Variants in LRBA observed in about 807,000 individuals in gnomAD.
The protein encoded by LRBA is LPS responsive beige-like anchor protein, also known as lipopolysaccharide-responsive and beige-like anchor protein.
LRBA carries 176 observed loss-of-function variants against 330.0 expected under a neutral mutation model. That is an observed-to-expected ratio of 0.53 (90% CI 0.47 to 0.60). LRBA has a LOEUF of 0.60. LRBA is among the 20% of genes least tolerant of loss of function. The pLI is 0.00. For missense variants in LRBA, 3,259 were observed against 3,444.8 expected (o/e 0.95, Z 1.35); for synonymous variants, 1,230 against 1,193.0 (o/e 1.03, Z -0.64).
intron 2 of LRBA, among the ~76,000 whole-genome samples, chr4:150,931,936 T>A (rs530983425): frequency 6.6e-6 from 1 of 152,012 alleles, no homozygotes; most frequent in African/African-American, 2.4e-5. Context: ...GGGTTAGGCG[T>A]GGTGGCTCAT....
intron 2 of LRBA, among the ~76,000 whole-genome samples, chr4:150,987,624 T>G (rs1741604947): frequency 6.6e-6 from 1 of 151,934 alleles, no homozygotes; most frequent in East Asian, 1.9e-4. Flanking sequence ...GAGAATCGCT[T>G]GAACCTGGGA....
intron 15 of LRBA, 102 bp downstream of exon 15, chr4:150,897,637 C>A: frequency 1.2e-6 from 1 of 807,858 alleles, no homozygotes; most frequent in Non-Finnish European, 2.0e-6. Flanking sequence ...CAATGTGTAA[C>A]CACAGTAACC....
intron 32 of LRBA, among the ~76,000 whole-genome samples, chr4:150,807,098 T>C (rs1425468946): frequency 6.6e-6 from 1 of 151,354 alleles, no homozygotes; most frequent in African/African-American, 2.4e-5. Flanking sequence ...ATACATTTAA[T>C]GAGGGTTTTT....
intron 47 of LRBA, among the ~76,000 whole-genome samples, chr4:150,354,160 T>C (rs137856195): frequency 2.5e-4 from 38 of 152,296 alleles, no homozygotes; most frequent in African/African-American, 8.9e-4. Flanking sequence ...GGTTGCCTTT[T>C]ATAACTCCCA....
chr4:150,377,938 T>G (rs964262815), intron 47 of LRBA, among the ~76,000 whole-genome samples: 3 of 141,540 alleles, frequency 2.1e-5, no homozygotes, highest in African/African-American at 7.9e-5. Context: ...GCCACTGCAC[T>G]CCAGCCTGGG....
intron 38 of LRBA, among the ~76,000 whole-genome samples, chr4:150,594,327 A>G (rs964329935): frequency 2.6e-5 from 4 of 152,066 alleles, no homozygotes; most frequent in African/African-American, 9.7e-5. Context: ...AAAAAATTAG[A>G]ACAAAACTTT....
In LRBA at chr4:150,382,622, C is replaced by CAAAA. The variant is rs112630500; in HGVS notation, c.7195-32467_7195-32464dup. 3.0e-3 allele frequency among the ~76,000 whole-genome samples: 336 copies of CAAAA among 111,498 alleles called. 1 individual carries two copies. The highest frequency in any genetic ancestry group is 5.4e-3 in the Middle Eastern group (1 of 186). The allele number at this position is 111,498 out of a possible 152,430, so 73.1% of individuals were successfully genotyped here. A position where few individuals can be genotyped will look rare whatever the true frequency, so the allele number is the denominator to read the frequency against. Reference sequence around the variant, plus strand: ...TGGGTGACAGAGTGAGACTCTGTTTCAAAAAAAAAAAAAAAGAAGACCAGG... The same window carrying CAAAA: ...TGGGTGACAGAGTGAGACTCTGTTTCAAAAAAAAAAAAAAAAAAAGAAGACCAGG... On this transcript the variant is annotated intron_variant, in intron 47 of 56. Transcript: ENST00000651943.
chr4:150,492,784 C>T (rs1910723), intron 40 of LRBA, among the ~76,000 whole-genome samples: 152,101 of 152,214 alleles, frequency 1, 75,994 homozygotes, highest in Non-Finnish European at 1. Context: ...CTTTGTTTTG[C>T]CCTTGTTTTC....
intron 41 of LRBA, among the ~76,000 whole-genome samples, chr4:150,488,678 A>C (rs976493566): frequency 6.6e-6 from 1 of 151,128 alleles, no homozygotes; most frequent in African/African-American, 2.4e-5. Context: ...CTTCAATGTC[A>C]GAATCATATG....
intron 40 of LRBA, among the ~76,000 whole-genome samples, chr4:150,568,501 C>A (rs992601946): frequency 5.3e-5 from 8 of 152,070 alleles, no homozygotes; most frequent in Non-Finnish European, 1.0e-4. Context: ...GTCTAGCAGG[C>A]AGCACGTAAG....
chr4:150,769,954 T>A (rs953876063), intron 34 of LRBA, among the ~76,000 whole-genome samples: 2 of 152,238 alleles, frequency 1.3e-5, no homozygotes, highest in Non-Finnish European at 2.9e-5. Context: ...TTGACAGGAC[T>A]AACAAATGCC....
At chr4:150,600,708 AT>A (rs1344512588) in intron 37 of LRBA, among the ~76,000 whole-genome samples, 2 of 152,188 alleles carry the variant, frequency 1.3e-5, no homozygotes. Context: ...CTAAATTTGA[AT>A]AAAAACATGA....
intron 50 of LRBA, among the ~76,000 whole-genome samples, chr4:150,317,428 T>C (rs183691896): frequency 2.6e-5 from 4 of 152,262 alleles, no homozygotes; most frequent in Non-Finnish European, 5.9e-5. Context: ...AGTACAGTAT[T>C]GGCACTAGAA....
intron 47 of LRBA, among the ~76,000 whole-genome samples, chr4:150,384,264 C>T (rs1742735084): frequency 6.6e-6 from 1 of 151,962 alleles, no homozygotes; most frequent in African/African-American, 2.4e-5. Context: ...TCTTGAACTC[C>T]CGACCTCAGG....
intron 42 of LRBA, among the ~76,000 whole-genome samples, chr4:150,484,060 T>C (rs1757598351): frequency 6.6e-6 from 1 of 152,012 alleles, no homozygotes; most frequent in Admixed American, 6.6e-5. Flanking sequence ...CCTGGGACTT[T>C]CCACATAAAC....
In LRBA at chr4:150,852,803, T is replaced by G. The variant is rs1750768723; in HGVS notation, c.2907A>C (p.Val969=). 1 of 1,614,066 alleles carries G rather than the reference T, an allele frequency of 6.2e-7. No homozygotes were observed. Among genetic ancestry groups the G allele is most frequent in the Non-Finnish European group, 8.5e-7 (1 of 1,179,950 alleles). ...CCTTCGTATCTGGTTGCTGGGATCC[T>G]ACTGAAACATTAATATCCCTTCTAA... ...SGIRRDINVS[V]GSQQPDTKDS... is the part of the protein sequence containing the mutation. Residue 969 remains valine (V), a synonymous_variant, in exon 23 of 57, where the codon GTA becomes GTC. Transcript: ENST00000651943.
chr4:150,934,780 G>A (rs373334488), intron 2 of LRBA, among the ~76,000 whole-genome samples: 122 of 152,086 alleles, frequency 8.0e-4, no homozygotes, highest in Middle Eastern at 3.4e-3. Flanking sequence ...AGGCCGAGGC[G>A]GGCAAATTAC....
In LRBA at chr4:150,987,916, C is replaced by T. The variant is rs530447878; in HGVS notation, c.216+26511G>A. On this transcript the variant is annotated intron_variant, in intron 2 of 56. Coordinates refer to ENST00000651943, the MANE Select transcript of LRBA (RefSeq NM_001364905.1). ...ACCCAGGAGGCTGAGGCAGGAGAAT[C>T]GCTTGAACCCAGGAGGCAGAGGTTG... Among the ~76,000 whole-genome samples the T allele has an allele frequency of 1.6e-3, 241 of 151,292 alleles. 1 individual carries two copies. The highest frequency in any genetic ancestry group is 2.8e-3 in the Non-Finnish European group (189 of 67,866).
chr4:150,580,208 C>G (rs984029974), intron 40 of LRBA: 3 of 153,466 alleles, frequency 2.0e-5, no homozygotes, highest in Admixed American at 2.0e-4. Flanking sequence ...AACTAAAGCT[C>G]TGGAGTCCAA....
Sources: allele counts gnomAD v4.1 joint callset (sites outside exome capture counted in the v4.1 genomes callset), GRCh38; gene constraint gnomAD v4.1.1; transcripts MANE v1.5; gene names NCBI Gene and HGNC (gene_info 2026-07-23, HGNC 2026-07-21).